Variants in VWA5A observed in about 807,000 individuals in gnomAD.
The protein encoded by VWA5A is von Willebrand factor A domain-containing protein 5A.
Under a neutral mutation model 84.6 loss-of-function variants are expected in VWA5A, and 77 were observed. The observed-to-expected ratio is 0.91, with a 90% CI of 0.76 to 1.10. VWA5A has a LOEUF of 1.10. Ranked by LOEUF, VWA5A falls within the 50% of genes least tolerant of loss-of-function variation. VWA5A has a pLI of 0.00. For missense variants in VWA5A, 973 were observed against 963.0 expected, an observed-to-expected ratio of 1.01 and a Z score of -0.14; for synonymous variants, 334 against 350.1, an observed-to-expected ratio of 0.95 and a Z score of 0.51.
At chr11:124,122,244 C>T (rs1301375449) in intron 7 of VWA5A, among the ~76,000 whole-genome samples, 1 of 152,200 alleles carries the variant, frequency 6.6e-6, no homozygotes, top group East Asian at 1.9e-4. Flanking sequence ...TCAATACTAG[C>T]ATTTCAATTC....
At chr11:124,116,074 G>C (rs1284508473) in intron 1 of VWA5A, 2 of 152,242 alleles carry the variant, frequency 1.3e-5, no homozygotes, top group Admixed American at 1.3e-4. Flanking sequence ...GGGTGTGTGT[G>C]GCCGGTGGTG....
intron 11 of VWA5A, among the ~76,000 whole-genome samples, chr11:124,128,398 C>A (rs1324130498): frequency 4.6e-5 from 7 of 152,258 alleles, no homozygotes; most frequent in Admixed American, 2.0e-4. Flanking sequence ...CAGTACCATG[C>A]CGTTTTGGTT....
intron 11 of VWA5A, among the ~76,000 whole-genome samples, chr11:124,133,907 G>T (rs550058193): frequency 6.6e-6 from 1 of 152,216 alleles, no homozygotes; most frequent in South Asian, 2.1e-4. Flanking sequence ...ATATATTTTT[G>T]TTGTTGTTGT....
chr11:124,117,417 A>T, intron 2 of VWA5A, 80 bp from the exon 3 acceptor site: 1 of 1,324,848 alleles, frequency 7.5e-7, no homozygotes, highest in South Asian at 1.2e-5. Context: ...TTCTTATGCC[A>T]GAGAAAGGCA....
At chr11:124,124,116 T>G in intron 10 of VWA5A, 121 bp from the exon 11 acceptor site, 1 of 990,370 alleles carries the variant, frequency 1.0e-6, no homozygotes, top group East Asian at 2.6e-5. Flanking sequence ...AGGGATTTCA[T>G]GCCTCTTTGA....
chr11:124,141,879 G>A, intron 16 of VWA5A, 138 bp downstream of exon 16: 1 of 1,251,206 alleles, frequency 8.0e-7, no homozygotes, highest in South Asian at 1.6e-5. Flanking sequence ...CATTGGAAAA[G>A]ATTCATTCCT....
In VWA5A at chr11:124,118,796, C is replaced by A. The variant is rs1342855844; in HGVS notation, c.645+88C>A. 2.7e-6 allele frequency: 4 copies of A among 1,492,654 alleles called. No individual in the cohort carries two copies. In the African/African-American group the frequency reaches 4.2e-5, roughly 16 times the overall value. 92.5% of individuals were successfully genotyped at this position (1,492,654 alleles called of 1,614,324 possible). ...CCAACCAGTTCTTCCCAAGTGGTAACCCAGAGGGGGTCCCACATGCTCCTT... is the reference window on the plus strand; with the variant it reads ...CCAACCAGTTCTTCCCAAGTGGTAAACCAGAGGGGGTCCCACATGCTCCTT... On this transcript the variant is annotated intron_variant, in intron 6 of 18. Transcript: ENST00000456829.
intron 7 of VWA5A, 94 bp downstream of exon 7, chr11:124,119,183 A>G (rs1400218877): frequency 3.4e-6 from 4 of 1,174,482 alleles, no homozygotes; most frequent in Admixed American, 2.1e-5. Flanking sequence ...CCTTCCCTCC[A>G]GGGGTGGTTA....
At chr11:124,134,025 GT>G (rs1215079731) in intron 11 of VWA5A, among the ~76,000 whole-genome samples, 1 of 152,104 alleles carries the variant, frequency 6.6e-6, no homozygotes, top group Non-Finnish European at 1.5e-5. Flanking sequence ...ATATTGTTTA[GT>G]TTTGATTTTA....
At chr11:124,118,735 G>A (rs1320098333) in intron 6 of VWA5A, 27 bp downstream of exon 6, 1 of 1,600,724 alleles carries the variant, frequency 6.2e-7, no homozygotes. Flanking sequence ...TACTGCTATT[G>A]TCAGTACCTC....
intron 7 of VWA5A, among the ~76,000 whole-genome samples, chr11:124,120,243 C>T (rs1413974161): frequency 6.6e-6 from 1 of 152,156 alleles, no homozygotes; most frequent in Non-Finnish European, 1.5e-5. Flanking sequence ...AATGTACATG[C>T]ACTCTTTCTT....
intron 11 of VWA5A, among the ~76,000 whole-genome samples, chr11:124,128,024 C>T (rs1238754483): frequency 6.6e-6 from 1 of 152,092 alleles, no homozygotes; most frequent in Non-Finnish European, 1.5e-5. Flanking sequence ...TAGTTAGATC[C>T]CATTTGTCAA....
intron 7 of VWA5A, among the ~76,000 whole-genome samples, chr11:124,121,110 C>G (rs945894145): frequency 2.6e-5 from 4 of 152,212 alleles, no homozygotes; most frequent in Non-Finnish European, 5.9e-5. Context: ...CAGCTTGTCT[C>G]ACTGAAACCA....
intron 11 of VWA5A, among the ~76,000 whole-genome samples, chr11:124,132,409 T>C (rs1342636582): frequency 6.6e-6 from 1 of 152,120 alleles, no homozygotes; most frequent in Admixed American, 6.5e-5. Flanking sequence ...TAAATATTTA[T>C]TAGAATTTGC....
chr11:124,145,568 C>T (rs1168271502), intron 18 of VWA5A, among the ~76,000 whole-genome samples: 1 of 152,084 alleles, frequency 6.6e-6, no homozygotes, highest in Non-Finnish European at 1.5e-5. Context: ...GAGAGGGACA[C>T]AAATGGGGAG....
chr11:124,123,150 C>A (rs769173851), intron 8 of VWA5A, 21 bp downstream of exon 8: 1 of 1,603,318 alleles, frequency 6.2e-7, no homozygotes, highest in Non-Finnish European at 8.5e-7. Flanking sequence ...TTTCTTTCCT[C>A]TTCTGGGTCA....
chr11:124,142,502 A>T lies in VWA5A; in HGVS notation c.2084A>T (p.Asp695Val). 1.2e-6 allele frequency: 2 copies of T among 1,614,142 alleles called. No individual in the cohort carries two copies. The highest frequency in any genetic ancestry group is 8.5e-7 in the Non-Finnish European group (1 of 1,180,026). ...IYHQNANGSW[D>V]LNEDLAKILG... ...CACCAAAATGCAAATGGTTCCTGGG[A>T]TCTGAATGAAGATCTAGCCAAGATC... is the stretch of plus-strand genomic sequence containing the variant. Residue 695 changes from aspartate to valine, a missense_variant, in exon 17 of 19, where the codon GAT (aspartate) becomes GTT (valine). Asp to Val is a radical substitution (Grantham distance 152). Transcript: ENST00000456829.
At chr11:124,136,043 C>T (rs1865175970) in intron 12 of VWA5A, 86 bp from the exon 13 acceptor site, 13 of 1,387,222 alleles carry the variant, frequency 9.4e-6, no homozygotes, top group Admixed American at 1.7e-5. Context: ...TTATGTATCA[C>T]ATCTGATACA....
intron 11 of VWA5A, among the ~76,000 whole-genome samples, chr11:124,128,064 G>C (rs1009627026): frequency 1.3e-5 from 2 of 152,254 alleles, no homozygotes; most frequent in South Asian, 4.1e-4. Context: ...TGCTTTTGGT[G>C]TTTTAGTCAT....
Sources: allele counts gnomAD v4.1 joint callset (sites outside exome capture counted in the v4.1 genomes callset), GRCh38; gene constraint gnomAD v4.1.1; transcripts MANE v1.5; gene names NCBI Gene and HGNC (gene_info 2026-07-23, HGNC 2026-07-21).